PCDH15: variants seen among roughly 807,000 people sequenced by gnomAD.
The protein encoded by PCDH15 is protocadherin related 15, also known as protocadherin-15.
Under a neutral mutation model 178.5 loss-of-function variants are expected in PCDH15, and 129 were observed. The observed-to-expected ratio is 0.72, with a 90% CI of 0.63 to 0.84. The LOEUF (loss-of-function observed/expected upper bound fraction) is 0.84. Ranked by LOEUF, PCDH15 falls within the 40% of genes least tolerant of loss-of-function variation. The probability of loss-of-function intolerance (pLI) is 0.00; values close to 1 mark genes in which losing one functional copy is unlikely to be tolerated. For synonymous variants in PCDH15, 800 were observed against 732.0 expected (o/e 1.09, Z -1.50); for missense variants, 2,230 against 2,099.9 (o/e 1.06, Z -1.21).
intron 2 of PCDH15, among the ~76,000 whole-genome samples, chr10:55,162,491 A>G (rs1392917384): frequency 2.0e-5 from 3 of 152,310 alleles, no homozygotes; most frequent in Middle Eastern, 3.4e-3. Flanking sequence ...ATGACAGTGA[A>G]AGAGATCTGA....
At chr10:54,769,221 C>CATAG (rs1401663804) in intron 1 of PCDH15, among the ~76,000 whole-genome samples, 1 of 151,794 alleles carries the variant, frequency 6.6e-6, no homozygotes, top group Non-Finnish European at 1.5e-5. Context: ...AAGACACAGC[C>CATAG]ATAGATAAAG....
chr10:54,295,135 A>G (rs2059666978), intron 8 of PCDH15, among the ~76,000 whole-genome samples: 1 of 152,164 alleles, frequency 6.6e-6, no homozygotes, highest in Admixed American at 6.5e-5. Flanking sequence ...TGAAGCTTCA[A>G]GTGAGAGGTG....
Position 55,396,730 on chromosome 10 carries a change from G to A in PCDH15, c.-155-230079C>T, listed in dbSNP as rs183259929. Among the ~76,000 whole-genome samples, 20 of 152,250 alleles carry A rather than the reference G, an allele frequency of 1.3e-4. No individual in the cohort carries two copies. In the East Asian group the frequency reaches 3.7e-3, roughly 28 times the overall value. On this transcript the variant is annotated intron_variant, in intron 2 of 5. Coordinates refer to the PCDH15 transcript ENST00000613346. ...ATGGTCAGCTTTGCACCCAGGATGAGAATTGTCAAAGATTTATTTACCCAA... is the reference window on the plus strand; with the variant it reads ...ATGGTCAGCTTTGCACCCAGGATGAAAATTGTCAAAGATTTATTTACCCAA...
At chr10:55,088,951 A>G (rs1219176859) in intron 2 of PCDH15, among the ~76,000 whole-genome samples, 2 of 152,136 alleles carry the variant, frequency 1.3e-5, no homozygotes, top group Non-Finnish European at 2.9e-5. Flanking sequence ...CAGGGCCCAA[A>G]GCATTTCTTT....
chr10:54,052,929 G>A lies in PCDH15; in HGVS notation c.2220+13828C>T, dbSNP rs1012738689. Among the ~76,000 whole-genome samples, 7 of 152,060 alleles carry A rather than the reference G, an allele frequency of 4.6e-5. No homozygotes were observed. In the South Asian group the frequency reaches 8.3e-4, roughly 18 times the overall value. On this transcript the variant is annotated intron_variant, in intron 18 of 37. Coordinates refer to ENST00000644397, the MANE Select transcript of PCDH15 (RefSeq NM_001384140.1). ...ATGGTTTTCTAAGGAGCTTTTCCCC[G>A]CTTCGCTCTGAACCTCTCCTGCCCC... is the stretch of plus-strand genomic sequence containing the variant.
At chr10:53,986,438 A>C (rs551167579) in intron 21 of PCDH15, among the ~76,000 whole-genome samples, 8 of 152,338 alleles carry the variant, frequency 5.3e-5, no homozygotes, top group South Asian at 2.1e-4. Context: ...TTACTAATGT[A>C]ACTACCATAT....
At chr10:54,539,736 C>A (rs1242804938) in intron 2 of PCDH15, among the ~76,000 whole-genome samples, 1 of 152,050 alleles carries the variant, frequency 6.6e-6, no homozygotes, top group Non-Finnish European at 1.5e-5. Context: ...AGCCATAAAG[C>A]AAGTTGGAAA....
At chr10:53,918,306 G>C (rs1435557825) in intron 25 of PCDH15, among the ~76,000 whole-genome samples, 1 of 152,110 alleles carries the variant, frequency 6.6e-6, no homozygotes, top group African/African-American at 2.4e-5. Context: ...GAGACTCAAG[G>C]AGATTAAAGA....
chr10:55,247,898 A>G (rs531304822), intron 1 of PCDH15: 1 of 150,994 alleles, frequency 6.6e-6, no homozygotes, highest in Admixed American at 6.6e-5. Flanking sequence ...TCTGGAAAAA[A>G]AAAAAAAAGG....
At chr10:54,451,265 CATCA>C (rs1480810261) in intron 3 of PCDH15, among the ~76,000 whole-genome samples, 2 of 151,800 alleles carry the variant, frequency 1.3e-5, no homozygotes, top group Non-Finnish European at 2.9e-5. Context: ...TTATTGCTAA[CATCA>C]ATTATTATGC....
intron 1 of PCDH15, among the ~76,000 whole-genome samples, chr10:54,732,326 C>T: frequency 6.6e-6 from 1 of 151,210 alleles, no homozygotes; most frequent in East Asian, 2.0e-4. Context: ...AATGAAAAAA[C>T]ATCCAAACTA....
At chr10:54,769,809 C>T (rs1422741570) in intron 1 of PCDH15, among the ~76,000 whole-genome samples, 1 of 152,086 alleles carries the variant, frequency 6.6e-6, no homozygotes, top group African/African-American at 2.4e-5. Flanking sequence ...TTCTTTGCAA[C>T]TCAGAGCACT....
intron 2 of PCDH15, among the ~76,000 whole-genome samples, chr10:54,948,770 T>A (rs2131871789): frequency 6.6e-6 from 1 of 152,084 alleles, no homozygotes; most frequent in Non-Finnish European, 1.5e-5. Context: ...ATATTGGTTA[T>A]GTTTATCGAG....
intron 2 of PCDH15, among the ~76,000 whole-genome samples, chr10:55,072,267 T>C (rs916769373): frequency 7.2e-5 from 11 of 151,812 alleles, no homozygotes; most frequent in Non-Finnish European, 1.5e-4. Context: ...CTGAAGGAAA[T>C]AGAGACATAA....
intron 2 of PCDH15, among the ~76,000 whole-genome samples, chr10:54,563,203 C>T (rs34116955): frequency 0.16 from 24,100 of 152,068 alleles, 2,132 homozygotes; most frequent in Admixed American, 0.28. Context: ...AAAATAAATA[C>T]GTCTATATTA....
At chr10:55,538,911 TTTCC>T (rs371285862) in intron 2 of PCDH15, among the ~76,000 whole-genome samples, 7 of 12,990 alleles carry the variant, frequency 5.4e-4, no homozygotes, top group Admixed American at 8.1e-4. Flanking sequence ...TCCTTCCTCC[TTTCC>T]TTCCTTCCTT....
intron 2 of PCDH15, among the ~76,000 whole-genome samples, chr10:54,655,300 G>GAGAGACAGAC (rs1158121522): frequency 9.0e-6 from 1 of 111,316 alleles, no homozygotes; most frequent in Admixed American, 9.0e-5. Flanking sequence ...GAGAGAGAGA[G>GAGAGACAGAC]AGACAGAGAG....
intron 25 of PCDH15, among the ~76,000 whole-genome samples, chr10:53,918,536 G>C (rs1900449): frequency 0.69 from 104,960 of 152,124 alleles, 36,814 homozygotes; most frequent in East Asian, 1. Flanking sequence ...AGACAGACAA[G>C]TACAGTTGCC....
At chr10:54,561,548 T>C (rs905603903) in intron 2 of PCDH15, among the ~76,000 whole-genome samples, 1 of 152,104 alleles carries the variant, frequency 6.6e-6, no homozygotes, top group African/African-American at 2.4e-5. Flanking sequence ...TTCCCAGATA[T>C]ATGTACCAAT....
Sources: gnomAD v4.1 joint callset for allele counts (sites outside exome capture counted in the v4.1 genomes callset) on GRCh38, gnomAD v4.1.1 for gene constraint, MANE v1.5 for transcripts, NCBI Gene and HGNC (gene_info 2026-07-23, HGNC 2026-07-21) for gene names.